FH: variants seen among roughly 807,000 people sequenced by gnomAD.
FH encodes fumarate hydratase, mitochondrial.
In FH, 22 loss-of-function variants were observed where a neutral mutation model predicts 49.4. The ratio of observed to expected loss-of-function variants is 0.45; its 90% CI spans 0.32 to 0.64. The LOEUF (loss-of-function observed/expected upper bound fraction) is 0.64, where lower values mean the gene tolerates loss of function less well. Among genes scored for constraint, FH ranks in the 30% least tolerant of loss-of-function variants. The pLI is 0.05. For missense variants in FH, 526 were observed against 641.5 expected (o/e 0.82, Z 1.95); for synonymous variants, 208 against 223.0 (o/e 0.93, Z 0.60).
chr1:241,505,874 A>G, intron 6 of FH, 129 bp downstream of exon 6: 1 of 911,676 alleles, frequency 1.1e-6, no homozygotes, highest in East Asian at 2.6e-5. Context: ...TACTTAAAAC[A>G]CATGTTTGAT....
At chr1:241,502,772 C>T (rs1418357720) in intron 7 of FH, among the ~76,000 whole-genome samples, 4 of 152,138 alleles carry the variant, frequency 2.6e-5, no homozygotes, top group African/African-American at 4.8e-5. Context: ...AACGAGTAGC[C>T]ACAACTACAC....
At position 241,519,456 on chromosome 1, in the gene FH, G is replaced by A. The variant is rs955622273; in HGVS notation, c.132+135C>T. Reference sequence around the variant, plus strand: ...GCCGGGAGGCCCGCCACGCCGGCACGGGCGCTAAGCCCAGAGTCTGGCGCG... The same window carrying A: ...GCCGGGAGGCCCGCCACGCCGGCACAGGCGCTAAGCCCAGAGTCTGGCGCG... On this transcript the variant is annotated intron_variant, in intron 1 of 9. Coordinates refer to ENST00000366560, the MANE Select transcript of FH (RefSeq NM_000143.4). The A allele has an allele frequency of 5.5e-6, 6 of 1,098,368 alleles. No homozygotes were observed. In the African/African-American group the frequency reaches 6.7e-5, roughly 12 times the overall value. 68.0% of individuals were successfully genotyped at this position (1,098,368 alleles called of 1,614,324 possible).
At chr1:241,504,373 A>T in intron 6 of FH, 128 bp from the exon 7 acceptor site, 2 of 838,786 alleles carry the variant, frequency 2.4e-6, no homozygotes, top group Non-Finnish European at 1.9e-6. Flanking sequence ...AAAAATGTTT[A>T]CTTAAGACTC....
At chr1:241,505,595 A>G (rs889742930) in intron 6 of FH, among the ~76,000 whole-genome samples, 1 of 152,210 alleles carries the variant, frequency 6.6e-6, no homozygotes, top group African/African-American at 2.4e-5. Flanking sequence ...AAAAAGGTCA[A>G]TAATTCAAAG....
intron 2 of FH, among the ~76,000 whole-genome samples, chr1:241,514,896 G>A (rs939887809): frequency 6.6e-6 from 1 of 152,140 alleles, no homozygotes; most frequent in African/African-American, 2.4e-5. Flanking sequence ...CTGAGGTAGT[G>A]GGCTGAACCA....
intron 7 of FH, 128 bp from the exon 8 acceptor site, chr1:241,502,698 T>C (rs985760512): frequency 1.7e-6 from 2 of 1,167,244 alleles, no homozygotes; most frequent in Non-Finnish European, 2.5e-6. Flanking sequence ...TCAGTGTAAT[T>C]TAATGAAACA....
chr1:241,514,786 T>A (rs932247243), intron 2 of FH, among the ~76,000 whole-genome samples: 2 of 152,198 alleles, frequency 1.3e-5, no homozygotes, highest in African/African-American at 4.8e-5. Flanking sequence ...TAGAAACGTT[T>A]GACTCAAACG....
rs373586584 is a variant in FH at position 241,517,221 on chromosome 1, C to A, written c.228G>T (p.Thr76=). 4 of 1,614,022 alleles carry A rather than the reference C, an allele frequency of 2.5e-6. No homozygotes were observed. The African/African-American group carries it at 5.3e-5, about 22-fold the overall frequency. The change falls in exon 2 of 10, where the codon ACG becomes ACT. Residue 76 remains threonine (T), a synonymous_variant. Transcript: ENST00000366560. ...KYYGAQTVRS[T]MNFKIGGVTE... ...TCACACCTCCAATCTTAAAGTTCAT[C>A]GTAGATCTCACGGTCTGGGCGCCAT...
intron 1 of FH, among the ~76,000 whole-genome samples, chr1:241,518,267 T>A (rs184454255): frequency 2.0e-3 from 305 of 152,328 alleles, no homozygotes; most frequent in African/African-American, 6.5e-3. Flanking sequence ...CATCTGATTT[T>A]AGCTAACATT....
intron 7 of FH, 32 bp downstream of exon 7, chr1:241,504,010 T>TACA (rs1659847659): frequency 1.3e-6 from 2 of 1,599,494 alleles, no homozygotes; most frequent in East Asian, 4.5e-5. Context: ...TAGTCAAGTT[T>TACA]TAGCTCCAAC....
intron 9 of FH, among the ~76,000 whole-genome samples, chr1:241,499,967 A>T (rs552728651): frequency 1.3e-5 from 2 of 152,344 alleles, no homozygotes; most frequent in Admixed American, 6.5e-5. Flanking sequence ...CAATGAATAC[A>T]TAAACTTTTT....
chr1:241,500,052 T>C (rs1470303230), intron 9 of FH, among the ~76,000 whole-genome samples: 1 of 152,226 alleles, frequency 6.6e-6, no homozygotes, highest in East Asian at 1.9e-4. Flanking sequence ...CTAGGGAAGG[T>C]AGAAAAATGA....
chr1:241,502,428 A>T lies in FH; in HGVS notation c.1236+15T>A. Reference sequence around the variant, plus strand: ...CTTTGGTCAAAAAACATTAAAAATCAGATTTAAAGCTTACCATCATTGGCT... The same window carrying T: ...CTTTGGTCAAAAAACATTAAAAATCTGATTTAAAGCTTACCATCATTGGCT... On this transcript the variant is annotated intron_variant, in intron 8 of 9. Transcript: ENST00000366560. The T allele has an allele frequency of 6.2e-7, 1 of 1,613,940 alleles. No homozygotes were observed. Among genetic ancestry groups the T allele is most frequent in the Non-Finnish European group, 8.5e-7 (1 of 1,179,864 alleles).
chr1:241,518,443 A>ATAAT (rs752670354), intron 1 of FH, among the ~76,000 whole-genome samples: 10 of 152,234 alleles, frequency 6.6e-5, no homozygotes, highest in Non-Finnish European at 1.5e-4. Context: ...TCGAGCAGGG[A>ATAAT]GTTCGAGGAA....
chr1:241,501,123 G>T (rs1438888926), intron 8 of FH, among the ~76,000 whole-genome samples: 1 of 152,132 alleles, frequency 6.6e-6, no homozygotes, highest in East Asian at 1.9e-4. Context: ...TCCAGTCACT[G>T]TAAAATAACT....
intron 4 of FH, among the ~76,000 whole-genome samples, chr1:241,510,004 T>G (rs1660043071): frequency 6.6e-6 from 1 of 152,224 alleles, no homozygotes; most frequent in African/African-American, 2.4e-5. Context: ...ATTATCAACA[T>G]GTAGCCAATC....
In FH at chr1:241,498,041, T is replaced by A; in HGVS notation, c.1391-71A>T. On this transcript the variant is annotated intron_variant, in intron 9 of 9. Transcript: ENST00000366560. ...TGGTTTCCTAAAGCAAAAGGTGACA[T>A]AATTGTTTACTTGATATTGATGCTA... 4 of 1,518,798 alleles carry A rather than the reference T, an allele frequency of 2.6e-6. No individual in the cohort carries two copies. The South Asian group carries it at 4.5e-5, about 17-fold the overall frequency. The allele number at this position is 1,518,798 out of a possible 1,614,324, so 94.1% of individuals were successfully genotyped here.
chr1:241,519,551 G>T (rs1428634293), intron 1 of FH, 40 bp downstream of exon 1: 1 of 1,539,946 alleles, frequency 6.5e-7, no homozygotes, highest in Admixed American at 2.0e-5. Context: ...AGGGCTGAAG[G>T]TCACTGCGGG....
intron 2 of FH, 120 bp downstream of exon 2, chr1:241,517,062 G>A (rs1660237061): frequency 6.4e-6 from 8 of 1,258,858 alleles, no homozygotes; most frequent in Admixed American, 3.6e-5. Flanking sequence ...TATTACTCAC[G>A]AAGCCATCTT....
Sources: gnomAD v4.1 joint callset for allele counts (sites outside exome capture counted in the v4.1 genomes callset) on GRCh38, gnomAD v4.1.1 for gene constraint, MANE v1.5 for transcripts, NCBI Gene and HGNC (gene_info 2026-07-23, HGNC 2026-07-21) for gene names.